MTMR8: variants seen among roughly 807,000 people sequenced by gnomAD.
MTMR8 encodes the protein phosphatidylinositol-3,5-bisphosphate 3-phosphatase MTMR8.
Under a neutral mutation model 39.3 loss-of-function variants are expected in MTMR8, and 65 were observed. The ratio of observed to expected loss-of-function variants is 1.65; its 90% confidence interval spans 1.35 to 2.03. The LOEUF (loss-of-function observed/expected upper bound fraction) is 2.03. MTMR8 is among the 30% of genes most tolerant of loss of function. The pLI, the probability that MTMR8 is intolerant of heterozygous loss-of-function variation, is 0.00. For synonymous variants in MTMR8, 245 were observed against 185.2 expected (o/e 1.32, Z -2.62); for missense variants, 777 against 538.9 (o/e 1.44, Z -4.37).
chrX:64,289,636 C>CAAAA (rs749879321), intron 12 of MTMR8, among the ~76,000 whole-genome samples: 8 of 26,417 alleles, frequency 3.0e-4, no homozygotes, highest in African/African-American at 5.1e-4. Flanking sequence ...GACTCCATCG[C>CAAAA]AAAAAAAAAA....
chrX:64,356,828 G>GA (rs202061532), intron 2 of MTMR8, among the ~76,000 whole-genome samples: 3,748 of 106,583 alleles, frequency 0.035, 76 homozygotes, highest in Middle Eastern at 0.16. Context: ...TTTCAGGAAT[G>GA]AAAAAAAAAC....
chrX:64,363,912 G>A (rs760393390), intron 1 of MTMR8, among the ~76,000 whole-genome samples: 16 of 112,458 alleles, frequency 1.4e-4, no homozygotes, highest in Non-Finnish European at 1.7e-4. Context: ...AACAGTATAA[G>A]CAAATGGCAC....
At chrX:64,381,857 G>A (rs1454904083) in intron 1 of MTMR8, among the ~76,000 whole-genome samples, 1 of 111,775 alleles carries the variant, frequency 8.9e-6, no homozygotes, top group Non-Finnish European at 1.9e-5. Flanking sequence ...TTATTAAATA[G>A]GGAATTGTTT....
At chrX:64,383,165 C>G (rs1024347183) in intron 1 of MTMR8, among the ~76,000 whole-genome samples, 15 of 111,139 alleles carry the variant, frequency 1.3e-4, no homozygotes, top group Admixed American at 7.7e-4. Context: ...TGATCACCTG[C>G]CCCTAGGATT....
intron 12 of MTMR8, among the ~76,000 whole-genome samples, chrX:64,288,765 A>C (rs1395168038): frequency 9.0e-6 from 1 of 110,883 alleles, no homozygotes; most frequent in Non-Finnish European, 1.9e-5. Context: ...AACTATCGCA[A>C]GGACAAAAAC....
intron 12 of MTMR8, among the ~76,000 whole-genome samples, chrX:64,271,945 A>G (rs777284734): frequency 1.8e-5 from 2 of 112,289 alleles, no homozygotes; most frequent in Non-Finnish European, 3.8e-5. Context: ...TCCAGGAGCT[A>G]CCAAGGGAAT....
chrX:64,290,831 G>T (rs1367909898), intron 12 of MTMR8, among the ~76,000 whole-genome samples: 1 of 112,078 alleles, frequency 8.9e-6, no homozygotes, highest in African/African-American at 3.2e-5. Flanking sequence ...GGTACAGATG[G>T]ACCACAGTTT....
intron 2 of MTMR8, among the ~76,000 whole-genome samples, chrX:64,359,010 G>C (rs1225168767): frequency 9.0e-6 from 1 of 110,581 alleles, no homozygotes; most frequent in Non-Finnish European, 1.9e-5. Context: ...AAAATCTTAG[G>C]CTTGAGATTT....
chrX:64,327,644 C>T (rs1221080163), intron 12 of MTMR8, among the ~76,000 whole-genome samples: 2 of 112,294 alleles, frequency 1.8e-5, no homozygotes, highest in African/African-American at 3.2e-5. Flanking sequence ...AAAAAGAGAA[C>T]TGCCCTATGA....
intron 4 of MTMR8, among the ~76,000 whole-genome samples, chrX:64,351,652 GC>G (rs1460337417): frequency 9.0e-6 from 1 of 111,717 alleles, no homozygotes; most frequent in African/African-American, 3.3e-5. Flanking sequence ...AAGTAGGGAA[GC>G]CAACAGAGCA....
At chrX:64,349,318 G>A (rs778516020) in intron 5 of MTMR8, among the ~76,000 whole-genome samples, 1 of 111,617 alleles carries the variant, frequency 9.0e-6, no homozygotes, top group Admixed American at 9.5e-5. Context: ...GTAATGATTA[G>A]TTCATGAAAT....
chrX:64,305,507 C>T, intron 12 of MTMR8: 1 of 345,542 alleles, frequency 2.9e-6, no homozygotes, highest in South Asian at 4.2e-5. Flanking sequence ...TCAGGATTGC[C>T]CACAAGTATG....
intron 4 of MTMR8, among the ~76,000 whole-genome samples, chrX:64,350,307 A>T (rs1923456318): frequency 9.1e-6 from 1 of 109,954 alleles, no homozygotes; most frequent in Non-Finnish European, 1.9e-5. Context: ...ATGAAAGAGT[A>T]CATCATATTT....
chrX:64,308,698 G>A (rs916010458), intron 12 of MTMR8, among the ~76,000 whole-genome samples: 19 of 110,881 alleles, frequency 1.7e-4, no homozygotes, highest in African/African-American at 5.2e-4. Flanking sequence ...TGCTGTATAC[G>A]TGGCATGGCG....
At chrX:64,317,963 G>C (rs941502369) in intron 12 of MTMR8, among the ~76,000 whole-genome samples, 6 of 112,376 alleles carry the variant, frequency 5.3e-5, no homozygotes, top group Non-Finnish European at 1.1e-4. Context: ...CACCCTAGCT[G>C]CATTGGATAA....
At chrX:64,386,161 C>T (rs192272449) in intron 1 of MTMR8, among the ~76,000 whole-genome samples, 3 of 111,529 alleles carry the variant, frequency 2.7e-5, no homozygotes, top group East Asian at 2.8e-4. Flanking sequence ...TTCTGTTTTC[C>T]GGTTCCCACC....
chrX:64,320,351 C>T (rs947045043), intron 12 of MTMR8, among the ~76,000 whole-genome samples: 2 of 110,751 alleles, frequency 1.8e-5, no homozygotes, highest in Admixed American at 9.7e-5. Context: ...AGCTTAGTGG[C>T]GGCCTTGGAG....
At chrX:64,317,443 C>A (rs1310643698) in intron 12 of MTMR8, among the ~76,000 whole-genome samples, 2 of 111,372 alleles carry the variant, frequency 1.8e-5, no homozygotes, top group Non-Finnish European at 3.8e-5. Context: ...ATCTCAAGCT[C>A]ATGTATTCTT....
intron 12 of MTMR8, among the ~76,000 whole-genome samples, chrX:64,286,390 G>A (rs759302386): frequency 9.8e-5 from 11 of 112,083 alleles, no homozygotes; most frequent in African/African-American, 3.2e-4. Context: ...GGTACAAGGA[G>A]GAGCTGGTAC....
Sources: gnomAD v4.1 joint callset for allele counts (sites outside exome capture counted in the v4.1 genomes callset) on GRCh38, gnomAD v4.1.1 for gene constraint, MANE v1.5 for transcripts, NCBI Gene and HGNC (gene_info 2026-07-23, HGNC 2026-07-21) for gene names.